The following CFDP1 variants were observed in gnomAD, a reference collection of about 807,000 sequenced individuals.
CFDP1 encodes heterochromatin-stabilizing protein CFDP1.
In CFDP1, 31 loss-of-function variants were observed where a neutral mutation model predicts 40.1. The observed-to-expected ratio is 0.77, with a 90% confidence interval of 0.58 to 1.04. CFDP1 has a LOEUF of 1.04. Ranked by LOEUF, CFDP1 falls within the 50% of genes least tolerant of loss-of-function variation. CFDP1 has a pLI of 0.00. For missense variants in CFDP1, 423 were observed against 343.4 expected (o/e 1.23, Z -1.83); for synonymous variants, 167 against 120.0 (o/e 1.39, Z -2.56).
intron 1 of CFDP1, among the ~76,000 whole-genome samples, chr16:75,428,316 A>G (rs1329458327): frequency 6.6e-6 from 1 of 152,200 alleles, no homozygotes; most frequent in Non-Finnish European, 1.5e-5. Context: ...ACATAATGCT[A>G]TAAAAATATT....
At chr16:75,343,852 C>T (rs9928744) in intron 5 of CFDP1, among the ~76,000 whole-genome samples, 38,383 of 152,064 alleles carry the variant, frequency 0.25, 5,841 homozygotes, top group African/African-American at 0.42. Context: ...TGTAGATGAT[C>T]TGGTAGTTGA....
At chr16:75,339,656 T>C (rs1056960639) in intron 5 of CFDP1, among the ~76,000 whole-genome samples, 1 of 152,220 alleles carries the variant, frequency 6.6e-6, no homozygotes, top group Non-Finnish European at 1.5e-5. Flanking sequence ...CCCTCAGCCT[T>C]CTGCCCTTTA....
At chr16:75,397,383 T>C (rs2079004564) in intron 4 of CFDP1, among the ~76,000 whole-genome samples, 1 of 149,216 alleles carries the variant, frequency 6.7e-6, no homozygotes, top group African/African-American at 2.5e-5. Flanking sequence ...AGTGTGGTGG[T>C]GCATGCCTGT....
At chr16:75,424,538 G>T (rs34841467) in intron 1 of CFDP1, among the ~76,000 whole-genome samples, 1 of 151,866 alleles carries the variant, frequency 6.6e-6, no homozygotes, top group South Asian at 2.1e-4. Context: ...GGCGGATCAC[G>T]AGGTCAGGAG....
At chr16:75,378,409 C>A (rs2078821470) in intron 5 of CFDP1, among the ~76,000 whole-genome samples, 1 of 151,968 alleles carries the variant, frequency 6.6e-6, no homozygotes, top group South Asian at 2.1e-4. Context: ...ACCAAAACCA[C>A]CCTGCTTTTA....
chr16:75,418,202 G>A (rs1450349274), intron 1 of CFDP1, among the ~76,000 whole-genome samples: 1 of 96,740 alleles, frequency 1.0e-5, no homozygotes, highest in Non-Finnish European at 2.1e-5. Context: ...GCGATGAGCT[G>A]AGATACACCA....
chr16:75,329,458 A>G (rs1372814920), intron 5 of CFDP1, among the ~76,000 whole-genome samples: 1 of 152,188 alleles, frequency 6.6e-6, no homozygotes, highest in Non-Finnish European at 1.5e-5. Context: ...AATCCGTGAT[A>G]ACCAGTTTGG....
intron 5 of CFDP1, among the ~76,000 whole-genome samples, chr16:75,390,744 TC>T (rs1228140535): frequency 3.3e-5 from 5 of 152,200 alleles, no homozygotes; most frequent in Non-Finnish European, 7.3e-5. Flanking sequence ...CTGGGGGAAG[TC>T]CATCACTTAA....
At position 75,400,622 on chromosome 16, in the gene CFDP1, C is replaced by T. The variant is rs534983674; in HGVS notation, c.531-5413G>A. On this transcript the variant is annotated intron_variant, in intron 4 of 6. Coordinates refer to ENST00000283882, the MANE Select transcript of CFDP1 (RefSeq NM_006324.3). ...CATTACTCTGGAGAAATGAAAACCA[C>T]GGAAGTTCCAGACTCAAAAGGCATG... is the stretch of plus-strand genomic sequence containing the variant. 2.7e-4 allele frequency among the ~76,000 whole-genome samples: 41 copies of T among 152,212 alleles called. 1 individual carries two copies. Among genetic ancestry groups the T allele is most frequent in the Admixed American group, 1.2e-3 (19 of 15,264 alleles).
intron 6 of CFDP1, 132 bp from the exon 7 acceptor site, chr16:75,294,174 T>G: frequency 1.5e-6 from 1 of 655,294 alleles, no homozygotes; most frequent in South Asian, 1.9e-5. Flanking sequence ...ACTCTTCCAG[T>G]ACAATCCAAA....
chr16:75,428,517 T>G (rs973971060), intron 1 of CFDP1, among the ~76,000 whole-genome samples: 1 of 151,764 alleles, frequency 6.6e-6, no homozygotes, highest in Non-Finnish European at 1.5e-5. Flanking sequence ...CTCGAGAGGC[T>G]GAGGCAGGGG....
intron 5 of CFDP1, among the ~76,000 whole-genome samples, chr16:75,337,639 G>C (rs902618351): frequency 6.6e-6 from 1 of 152,166 alleles, no homozygotes; most frequent in Non-Finnish European, 1.5e-5. Context: ...TGGCGGGAAG[G>C]GGAGGCAAGC....
chr16:75,304,457 G>C (rs1567639688), intron 6 of CFDP1, among the ~76,000 whole-genome samples: 1 of 152,194 alleles, frequency 6.6e-6, no homozygotes, highest in Non-Finnish European at 1.5e-5. Flanking sequence ...CGTAGGTTAT[G>C]AACATTCTCT....
At chr16:75,401,523 C>A (rs948584890) in intron 4 of CFDP1, among the ~76,000 whole-genome samples, 16 of 151,850 alleles carry the variant, frequency 1.1e-4, no homozygotes, top group Non-Finnish European at 1.9e-4. Context: ...TCGTTTGAAC[C>A]CAGGAGGCAG....
chr16:75,347,359 A>G (rs113395016), intron 5 of CFDP1, among the ~76,000 whole-genome samples: 672 of 53,708 alleles, frequency 0.013, 7 homozygotes, highest in Middle Eastern at 0.062. Context: ...AAAAAAAAAA[A>G]AAAAAGAAAA....
intron 5 of CFDP1, among the ~76,000 whole-genome samples, chr16:75,364,259 C>G (rs1305025183): frequency 6.6e-6 from 1 of 152,102 alleles, no homozygotes; most frequent in African/African-American, 2.4e-5. Flanking sequence ...GTAAAATACT[C>G]AAAAGGTATT....
In CFDP1 at chr16:75,433,426, G is replaced by A. The variant is rs1025659577; in HGVS notation, c.-74C>T. On this transcript the variant is annotated 5_prime_UTR_variant, in exon 1 of 7. Coordinates refer to ENST00000283882, the MANE Select transcript of CFDP1 (RefSeq NM_006324.3). ...CTCCAACGGCAAAGCTCTAGGGAGA[G>A]ACCATAGAGCCCCGGCGGCGGCGAC... 4 of 1,442,840 alleles carry A rather than the reference G, an allele frequency of 2.8e-6. No individual in the cohort carries two copies. The highest frequency in any genetic ancestry group is 3.8e-6 in the Non-Finnish European group (4 of 1,056,394). 89.4% of individuals were successfully genotyped at this position (1,442,840 alleles called of 1,614,324 possible).
intron 5 of CFDP1, among the ~76,000 whole-genome samples, chr16:75,329,802 T>A (rs1476885299): frequency 1.3e-5 from 2 of 152,228 alleles, no homozygotes; most frequent in African/African-American, 4.8e-5. Flanking sequence ...AATGAATTTA[T>A]CCACTCAAAA....
At chr16:75,310,587 T>G (rs1351810608) in intron 5 of CFDP1, among the ~76,000 whole-genome samples, 1 of 152,206 alleles carries the variant, frequency 6.6e-6, no homozygotes, top group Admixed American at 6.5e-5. Context: ...TCCTGTTGAG[T>G]CTGTCACAGA....
Sources: gnomAD v4.1 joint callset for allele counts (sites outside exome capture counted in the v4.1 genomes callset) on GRCh38, gnomAD v4.1.1 for gene constraint, MANE v1.5 for transcripts, NCBI Gene and HGNC (gene_info 2026-07-23, HGNC 2026-07-21) for gene names.